RICTOR: variants seen among roughly 807,000 people sequenced by gnomAD.
The protein encoded by RICTOR is RPTOR independent companion of MTOR complex 2.
A neutral mutation model predicts 214.9 loss-of-function variants in RICTOR; 49 were observed. The ratio of observed to expected loss-of-function variants is 0.23; its 90% CI spans 0.18 to 0.29. RICTOR has a LOEUF of 0.29. RICTOR is among the 10% of genes least tolerant of loss of function. The pLI, the probability that RICTOR is intolerant of heterozygous loss-of-function variation, is 1.00. For synonymous variants in RICTOR, 717 were observed against 711.3 expected (o/e 1.01, Z -0.13); for missense variants, 1,625 against 2,047.0 (o/e 0.79, Z 3.98).
At chr5:39,026,617 T>C (rs1015538776) in intron 2 of RICTOR, among the ~76,000 whole-genome samples, 1 of 152,052 alleles carries the variant, frequency 6.6e-6, no homozygotes, top group Non-Finnish European at 1.5e-5. Flanking sequence ...CATCTTTAAT[T>C]TGATCTGTCT....
chr5:38,956,309 T>A (rs1749262103), intron 25 of RICTOR, among the ~76,000 whole-genome samples: 2 of 152,064 alleles, frequency 1.3e-5, no homozygotes, highest in African/African-American at 4.8e-5. Flanking sequence ...GATCACTCTT[T>A]AAAAGCTGTT....
intron 7 of RICTOR, among the ~76,000 whole-genome samples, chr5:38,986,841 T>G (rs959363851): frequency 6.6e-6 from 1 of 152,344 alleles, no homozygotes; most frequent in Admixed American, 6.5e-5. Flanking sequence ...TCATTCAGTA[T>G]GATATTGGCT....
At chr5:39,063,537 G>C (rs1284662399) in intron 2 of RICTOR, among the ~76,000 whole-genome samples, 4 of 152,190 alleles carry the variant, frequency 2.6e-5, no homozygotes, top group Middle Eastern at 6.8e-3. Context: ...ACTTCTAAGA[G>C]ATCTTCCTTC....
chr5:38,961,404 T>G (rs1288176356), intron 19 of RICTOR, among the ~76,000 whole-genome samples: 1 of 152,130 alleles, frequency 6.6e-6, no homozygotes, highest in Non-Finnish European at 1.5e-5. Context: ...TTTTTCACAA[T>G]TAGGCAAAAG....
Position 38,996,888 on chromosome 5 carries a change from C to T in RICTOR, c.393-6G>A. On this transcript the variant is annotated splice_region_variant and splice_polypyrimidine_tract_variant and intron_variant, in intron 5 of 37. Transcript: ENST00000357387. ...TCTGTTGTATGTCAATGCACCTAAA[C>T]AATACACAAAATATTAATCATTGAT... 6.3e-7 allele frequency: 1 copy of T among 1,594,580 alleles called. No individual in the cohort carries two copies. The highest frequency in any genetic ancestry group is 8.6e-7 in the Non-Finnish European group (1 of 1,163,078).
At chr5:38,977,584 T>C (rs1446097523) in intron 9 of RICTOR, among the ~76,000 whole-genome samples, 3 of 142,260 alleles carry the variant, frequency 2.1e-5, no homozygotes, top group South Asian at 2.2e-4. Flanking sequence ...ACTGAAGGTA[T>C]GAAACCACTT....
chr5:38,945,720 A>G lies in RICTOR; in HGVS notation c.4404T>C (p.Leu1468=). Residue 1468 remains leucine (L), a synonymous_variant, in exon 34 of 38, where the codon CTT becomes CTC. Transcript: ENST00000357387. The stretch of plus-strand genomic sequence containing the variant: ...TTACAAGACCTCCAGTTCCAGATGG[A>G]AGACCTGTGCATAAGTAAATATAAA... ...ARAFAHDAGG[L]PSGTGGLVKN... is the part of the protein sequence containing the mutation. 2.6e-6 allele frequency: 4 copies of G among 1,530,202 alleles called. No individual in the cohort carries two copies. Among genetic ancestry groups the G allele is most frequent in the South Asian group, 1.1e-5 (1 of 89,416 alleles). 94.8% of individuals were successfully genotyped at this position (1,530,202 alleles called of 1,614,324 possible).
At chr5:39,034,732 T>G (rs533751844) in intron 2 of RICTOR, among the ~76,000 whole-genome samples, 118 of 152,190 alleles carry the variant, frequency 7.8e-4, no homozygotes, top group Non-Finnish European at 1.5e-3. Flanking sequence ...CACAGCAGTC[T>G]GAGATCAAAC....
Position 38,967,924 on chromosome 5 carries a change from A to C in RICTOR, c.1060+19T>G. 1 of 1,255,270 alleles carries C rather than the reference A, an allele frequency of 8.0e-7. No homozygotes were observed. Among genetic ancestry groups the C allele is most frequent in the Non-Finnish European group, 1.2e-6 (1 of 862,988 alleles). 77.8% of individuals were successfully genotyped at this position (1,255,270 alleles called of 1,614,324 possible). The stretch of plus-strand genomic sequence containing the variant: ...AAATTACAATATATGAAAAGATACA[A>C]ATGTACTTCAATACTTACCTACACT... On this transcript the variant is annotated intron_variant, in intron 12 of 37. Transcript: ENST00000357387.
chr5:39,038,849 C>A (rs1449647859), intron 2 of RICTOR, among the ~76,000 whole-genome samples: 4 of 152,056 alleles, frequency 2.6e-5, no homozygotes, highest in African/African-American at 9.7e-5. Context: ...ATTCCATGCT[C>A]ACGGGTAGGA....
chr5:39,065,330 C>T (rs1758824349), intron 2 of RICTOR, among the ~76,000 whole-genome samples: 1 of 152,130 alleles, frequency 6.6e-6, no homozygotes, highest in African/African-American at 2.4e-5. Flanking sequence ...AAGACAGCAC[C>T]AAGCCATGAG....
chr5:38,945,447 T>A, intron 34 of RICTOR, 44 bp downstream of exon 34: 1 of 1,297,738 alleles, frequency 7.7e-7, no homozygotes, highest in Non-Finnish European at 1.1e-6. Context: ...CAGAGAACTT[T>A]AGTCATCACT....
In RICTOR at chr5:38,969,219, G is replaced by A. The variant is rs188333551; in HGVS notation, c.973-1189C>T. Among the ~76,000 whole-genome samples the A allele has an allele frequency of 6.6e-3, 1,008 of 151,846 alleles. 6 individuals carry two copies. Among genetic ancestry groups the A allele is most frequent in the African/African-American group, 0.012 (512 of 41,410 alleles). ...ACTCCTGACCTCAGGTGATCTGCCC[G>A]CCTTGGCCTCCCAAAGTGCTGGGAT... On this transcript the variant is annotated intron_variant, in intron 11 of 37. Transcript: ENST00000357387.
intron 6 of RICTOR, among the ~76,000 whole-genome samples, chr5:38,991,738 T>C (rs941157393): frequency 1.3e-5 from 2 of 152,144 alleles, no homozygotes; most frequent in African/African-American, 4.8e-5. Flanking sequence ...GAATCTCACA[T>C]TAAAGATCTA....
chr5:39,019,206 C>T (rs75652476), intron 3 of RICTOR, among the ~76,000 whole-genome samples: 9 of 152,198 alleles, frequency 5.9e-5, no homozygotes, highest in African/African-American at 2.2e-4. Flanking sequence ...GCAGTAGGTG[C>T]CGATACAGAA....
At chr5:39,005,315 T>G (rs946481639) in intron 3 of RICTOR, among the ~76,000 whole-genome samples, 3 of 152,188 alleles carry the variant, frequency 2.0e-5, no homozygotes, top group African/African-American at 7.2e-5. Flanking sequence ...ATGCCAGATC[T>G]TCTCATGTGT....
At chr5:38,967,287 T>C in intron 13 of RICTOR, 50 bp downstream of exon 13, 2 of 1,597,878 alleles carry the variant, frequency 1.3e-6, no homozygotes, top group Non-Finnish European at 1.7e-6. Flanking sequence ...CAGTCTAACA[T>C]AAAAACCCGA....
intron 3 of RICTOR, among the ~76,000 whole-genome samples, chr5:39,014,175 G>T (rs1053813000): frequency 2.0e-5 from 3 of 152,078 alleles, no homozygotes; most frequent in African/African-American, 7.2e-5. Context: ...ACAAAATGAT[G>T]AAATCACCTA....
intron 2 of RICTOR, among the ~76,000 whole-genome samples, chr5:39,063,023 A>G (rs535960744): frequency 1.3e-5 from 2 of 152,210 alleles, no homozygotes; most frequent in African/African-American, 4.8e-5. Flanking sequence ...AACACCACCC[A>G]TCCCATTTAT....
Sources: gnomAD v4.1 joint callset for allele counts (sites outside exome capture counted in the v4.1 genomes callset) on GRCh38, gnomAD v4.1.1 for gene constraint, MANE v1.5 for transcripts, NCBI Gene and HGNC (gene_info 2026-07-23, HGNC 2026-07-21) for gene names.